Variants in PAK5 observed in about 807,000 individuals in gnomAD.
PAK5 encodes the protein p21 (RAC1) activated kinase 5.
In PAK5, 16 loss-of-function variants were observed where a neutral mutation model predicts 65.9. The observed-to-expected ratio is 0.24, with a 90% confidence interval of 0.16 to 0.37. PAK5 has a LOEUF of 0.37. Ranked by LOEUF, PAK5 falls within the 10% of genes least tolerant of loss-of-function variation. PAK5 has a pLI of 1.00. For missense variants in PAK5, 785 were observed against 903.9 expected (o/e 0.87, Z 1.69); for synonymous variants, 371 against 354.9 (o/e 1.05, Z -0.51).
chr20:9,690,451 T>A (rs2047777618), intron 2 of PAK5, among the ~76,000 whole-genome samples: 1 of 152,042 alleles, frequency 6.6e-6, no homozygotes, highest in Non-Finnish European at 1.5e-5. Context: ...TGGGAATTAG[T>A]CCCAGGAAGC....
intron 1 of PAK5, among the ~76,000 whole-genome samples, chr20:9,747,145 ACT>A (rs2048518025): frequency 6.6e-6 from 1 of 152,142 alleles, no homozygotes; most frequent in Admixed American, 6.6e-5. Flanking sequence ...GAAGAAGTTG[ACT>A]CTCTGAATAG....
At chr20:9,540,904 T>A (rs964990141) in intron 9 of PAK5, among the ~76,000 whole-genome samples, 1 of 152,088 alleles carries the variant, frequency 6.6e-6, no homozygotes, top group Admixed American at 6.5e-5. Flanking sequence ...GCTTGGCTAA[T>A]TTTTTGTATT....
chr20:9,639,905 A>G (rs1377207981), intron 3 of PAK5, among the ~76,000 whole-genome samples: 4 of 152,238 alleles, frequency 2.6e-5, no homozygotes, highest in Non-Finnish European at 5.9e-5. Context: ...TACCACTAAG[A>G]TGAAAGCCTC....
At chr20:9,786,569 A>G (rs1348454526) in intron 1 of PAK5, among the ~76,000 whole-genome samples, 1 of 152,166 alleles carries the variant, frequency 6.6e-6, no homozygotes, top group African/African-American at 2.4e-5. Context: ...GTACAGCCTG[A>G]TCAATTTTGA....
intron 9 of PAK5, among the ~76,000 whole-genome samples, 163 bp downstream of exon 9, chr20:9,542,423 C>T (rs915898924): frequency 6.6e-6 from 1 of 152,166 alleles, no homozygotes; most frequent in Non-Finnish European, 1.5e-5. Context: ...GCCCAGTAAA[C>T]GAATAGAAGA....
chr20:9,830,894 C>T (rs1400214966), intron 1 of PAK5, among the ~76,000 whole-genome samples: 1 of 152,208 alleles, frequency 6.6e-6, no homozygotes, highest in East Asian at 1.9e-4. Flanking sequence ...CTGTTTACCC[C>T]TAAGTCCTAG....
At chr20:9,774,600 CAT>C (rs1488241678) in intron 1 of PAK5, among the ~76,000 whole-genome samples, 5 of 152,096 alleles carry the variant, frequency 3.3e-5, no homozygotes, top group Admixed American at 2.0e-4. Flanking sequence ...ATATAATCCA[CAT>C]GTTCTTCATC....
intron 2 of PAK5, among the ~76,000 whole-genome samples, chr20:9,695,609 T>C (rs1600253272): frequency 6.6e-6 from 1 of 152,004 alleles, no homozygotes; most frequent in African/African-American, 2.4e-5. Flanking sequence ...AAGGTAAATT[T>C]GGGAGAAACT....
intron 1 of PAK5, among the ~76,000 whole-genome samples, chr20:9,750,689 G>A (rs1246269083): frequency 1.3e-5 from 2 of 152,092 alleles, no homozygotes. Flanking sequence ...AGGACCAAAA[G>A]AAGCTACAGC....
At chr20:9,554,765 G>C (rs1322515542) in intron 7 of PAK5, among the ~76,000 whole-genome samples, 1 of 152,078 alleles carries the variant, frequency 6.6e-6, no homozygotes, top group African/African-American at 2.4e-5. Flanking sequence ...GAAACCACTG[G>C]AGTCAATATG....
chr20:9,634,075 T>C (rs1181041769), intron 3 of PAK5, among the ~76,000 whole-genome samples: 2 of 152,160 alleles, frequency 1.3e-5, no homozygotes, highest in Admixed American at 6.5e-5. Flanking sequence ...TACTCCTTGA[T>C]GGGGAGTAAC....
intron 3 of PAK5, among the ~76,000 whole-genome samples, chr20:9,632,732 C>T (rs934395098): frequency 6.6e-6 from 1 of 152,182 alleles, no homozygotes; most frequent in Non-Finnish European, 1.5e-5. Context: ...ACTGTGCCTA[C>T]CTGAGTCTTA....
chr20:9,806,570 T>A (rs572220807), intron 1 of PAK5, among the ~76,000 whole-genome samples: 31 of 152,244 alleles, frequency 2.0e-4, no homozygotes, highest in African/African-American at 7.0e-4. Context: ...GGCTTTCCCA[T>A]CGAAAATGAG....
chr20:9,566,836 G>A (rs2045691402), intron 4 of PAK5, among the ~76,000 whole-genome samples: 1 of 152,116 alleles, frequency 6.6e-6, no homozygotes, highest in Admixed American at 6.5e-5. Flanking sequence ...GTGCTAAGTG[G>A]TGTGAACCAC....
chr20:9,804,423 G>A (rs1244788646), intron 1 of PAK5, among the ~76,000 whole-genome samples: 1 of 152,090 alleles, frequency 6.6e-6, no homozygotes, highest in Non-Finnish European at 1.5e-5. Context: ...TACATCTATG[G>A]TCAGTTGATT....
At chr20:9,576,716 A>C (rs2045891051) in intron 4 of PAK5, among the ~76,000 whole-genome samples, 2 of 152,222 alleles carry the variant, frequency 1.3e-5, no homozygotes. Flanking sequence ...CTGGAAATGC[A>C]TGCAATGTCT....
At chr20:9,621,327 A>G (rs2046764095) in intron 3 of PAK5, among the ~76,000 whole-genome samples, 1 of 151,956 alleles carries the variant, frequency 6.6e-6, no homozygotes, top group Non-Finnish European at 1.5e-5. Context: ...TTAACAAATA[A>G]TAGATGATAA....
chr20:9,742,909 TG>T (rs1387127575), intron 1 of PAK5, among the ~76,000 whole-genome samples: 4 of 152,182 alleles, frequency 2.6e-5, no homozygotes, highest in African/African-American at 9.7e-5. Flanking sequence ...AACACTGTGA[TG>T]GGATTTACTA....
chr20:9,661,076 C>T (rs1032353549), intron 2 of PAK5, among the ~76,000 whole-genome samples: 3 of 152,146 alleles, frequency 2.0e-5, no homozygotes, highest in African/African-American at 7.2e-5. Context: ...CAAGTCTGAG[C>T]AGCTGTGATT....
Sources: gnomAD v4.1 joint callset for allele counts (sites outside exome capture counted in the v4.1 genomes callset) on GRCh38, gnomAD v4.1.1 for gene constraint, MANE v1.5 for transcripts, NCBI Gene and HGNC (gene_info 2026-07-23, HGNC 2026-07-21) for gene names.